Variants in PTPRD observed in about 807,000 individuals in gnomAD.
PTPRD encodes the protein protein tyrosine phosphatase receptor type D, also known as receptor-type tyrosine-protein phosphatase delta.
A neutral mutation model predicts 214.5 loss-of-function variants in PTPRD; 34 were observed. The observed-to-expected ratio is 0.16, with a 90% CI of 0.12 to 0.21. The LOEUF (loss-of-function observed/expected upper bound fraction) is 0.21. Among genes scored for constraint, PTPRD ranks in the 10% least tolerant of loss-of-function variants. PTPRD has a pLI of 1.00. For synonymous variants in PTPRD, 1,128 were observed against 845.7 expected (o/e 1.33, Z -5.79); for missense variants, 2,545 against 2,398.7 (o/e 1.06, Z -1.27).
chr9:9,167,737 G>A lies in PTPRD; in HGVS notation c.-143+15567C>T, dbSNP rs184661370. Among the ~76,000 whole-genome samples, 13 of 152,172 alleles carry A rather than the reference G, an allele frequency of 8.5e-5. No homozygotes were observed. The East Asian group carries it at 1.2e-3, about 14-fold the overall frequency. On this transcript the variant is annotated intron_variant, in intron 10 of 45. Coordinates refer to ENST00000381196, the MANE Select transcript of PTPRD (RefSeq NM_002839.4). Reference sequence around the variant, plus strand: ...GCCATTGCACTCCAGCCTAGGCAATGAGAGCAAAACTCTGTCTTAAATAAA... The same window carrying A: ...GCCATTGCACTCCAGCCTAGGCAATAAGAGCAAAACTCTGTCTTAAATAAA...
intron 10 of PTPRD, among the ~76,000 whole-genome samples, chr9:9,081,371 G>A (rs2099758773): frequency 6.6e-6 from 1 of 151,956 alleles, no homozygotes; most frequent in African/African-American, 2.4e-5. Context: ...TGTTTGTTAT[G>A]ATTTCCATTC....
At chr9:8,758,412 C>A (rs1468113349) in intron 11 of PTPRD, among the ~76,000 whole-genome samples, 1 of 152,036 alleles carries the variant, frequency 6.6e-6, no homozygotes, top group East Asian at 1.9e-4. Flanking sequence ...ATGTTATATA[C>A]AAATTAGGGT....
intron 4 of PTPRD, among the ~76,000 whole-genome samples, chr9:9,942,429 C>G (rs186581931): frequency 1.8e-3 from 281 of 152,186 alleles, no homozygotes; most frequent in African/African-American, 6.3e-3. Flanking sequence ...AACCCCTTTA[C>G]CTATTAAAGA....
intron 9 of PTPRD, among the ~76,000 whole-genome samples, chr9:9,215,264 A>G (rs1206349212): frequency 3.9e-5 from 6 of 152,172 alleles, no homozygotes; most frequent in Admixed American, 3.3e-4. Context: ...AGAGTAGTTT[A>G]ACCCAGGTTA....
intron 9 of PTPRD, among the ~76,000 whole-genome samples, chr9:9,193,991 A>G (rs962192734): frequency 6.6e-6 from 1 of 152,190 alleles, no homozygotes; most frequent in African/African-American, 2.4e-5. Context: ...GTACAGCTGT[A>G]CAAAAATATT....
At chr9:9,571,491 T>C (rs2154300659) in intron 8 of PTPRD, among the ~76,000 whole-genome samples, 1 of 151,488 alleles carries the variant, frequency 6.6e-6, no homozygotes, top group African/African-American at 2.4e-5. Context: ...TAACAATGAT[T>C]ACATTTAAAT....
At chr9:9,371,281 A>G (rs1431585790) in intron 9 of PTPRD, among the ~76,000 whole-genome samples, 1 of 152,042 alleles carries the variant, frequency 6.6e-6, no homozygotes, top group African/African-American at 2.4e-5. Flanking sequence ...TTATTGCCTC[A>G]ATTTCAGAGC....
intron 10 of PTPRD, among the ~76,000 whole-genome samples, chr9:9,128,012 T>C (rs2099836696): frequency 6.6e-6 from 1 of 152,168 alleles, no homozygotes; most frequent in Non-Finnish European, 1.5e-5. Context: ...GCCAATTTTA[T>C]TTAGGCTCTA....
intron 5 of PTPRD, among the ~76,000 whole-genome samples, chr9:9,805,535 T>C (rs1255307635): frequency 6.6e-6 from 1 of 152,186 alleles, no homozygotes; most frequent in Non-Finnish European, 1.5e-5. Context: ...TTCAGATTAG[T>C]TTTACAAAAT....
At chr9:9,904,422 T>A (rs980105118) in intron 5 of PTPRD, among the ~76,000 whole-genome samples, 2 of 152,112 alleles carry the variant, frequency 1.3e-5, no homozygotes, top group Admixed American at 6.6e-5. Flanking sequence ...TTGAAATCTT[T>A]GTACTGTTAT....
chr9:9,273,779 A>G (rs1311544325), intron 9 of PTPRD, among the ~76,000 whole-genome samples: 1 of 151,336 alleles, frequency 6.6e-6, no homozygotes, highest in Non-Finnish European at 1.5e-5. Context: ...GTAAGAGATT[A>G]TAATGAGGTC....
chr9:8,406,352 TG>T (rs1168991208), intron 35 of PTPRD, among the ~76,000 whole-genome samples: 1 of 152,200 alleles, frequency 6.6e-6, no homozygotes, highest in Non-Finnish European at 1.5e-5. Context: ...CTCTCAAATT[TG>T]CAATCTCATT....
intron 3 of PTPRD, among the ~76,000 whole-genome samples, chr9:10,338,940 CA>C (rs71332736): frequency 0.17 from 23,785 of 140,990 alleles, 2,109 homozygotes; most frequent in Non-Finnish European, 0.21. Context: ...ATAATGTAGA[CA>C]AAAAAAAAAA....
rs140775487 is a variant in PTPRD, at chr9:10,347,903, C to T, written c.-599-6886G>A. Among the ~76,000 whole-genome samples the T allele has an allele frequency of 5.9e-5, 9 of 151,940 alleles. No homozygotes were observed. In the South Asian group the frequency reaches 1.7e-3, roughly 28 times the overall value. On this transcript the variant is annotated intron_variant, in intron 2 of 45. Transcript: ENST00000381196. ...GGAAAACCTATCTCTACTAAAAATA[C>T]AAAAATTAGCCCAGCGTGGTGCATG...
intron 10 of PTPRD, among the ~76,000 whole-genome samples, chr9:9,025,052 C>A (rs1345185671): frequency 6.6e-6 from 1 of 151,924 alleles, no homozygotes; most frequent in African/African-American, 2.4e-5. Context: ...GTTGTTTAGT[C>A]CCTTGTAAAT....
intron 2 of PTPRD, among the ~76,000 whole-genome samples, chr9:10,549,233 A>C (rs773459159): frequency 3.3e-5 from 5 of 152,170 alleles, no homozygotes; most frequent in Non-Finnish European, 5.9e-5. Context: ...TACTGCTTTT[A>C]AAAGTAGTTG....
intron 6 of PTPRD, among the ~76,000 whole-genome samples, chr9:9,763,321 AC>A (rs2098677038): frequency 6.6e-6 from 1 of 152,130 alleles, no homozygotes; most frequent in Admixed American, 6.5e-5. Context: ...ATTTTCCTGA[AC>A]CCTGTCCCCT....
intron 7 of PTPRD, among the ~76,000 whole-genome samples, chr9:9,652,519 T>C (rs1168547904): frequency 3.3e-5 from 5 of 152,188 alleles, no homozygotes; most frequent in Non-Finnish European, 7.4e-5. Context: ...AATACCTTTA[T>C]TGCCTATCTG....
intron 7 of PTPRD, among the ~76,000 whole-genome samples, chr9:9,654,321 G>C (rs1039862199): frequency 1.3e-5 from 2 of 152,024 alleles, no homozygotes; most frequent in Admixed American, 6.6e-5. Context: ...CTTATAAAAA[G>C]TTTAATGCTT....
Sources: allele counts gnomAD v4.1 joint callset (sites outside exome capture counted in the v4.1 genomes callset), GRCh38; gene constraint gnomAD v4.1.1; transcripts MANE v1.5; gene names NCBI Gene and HGNC (gene_info 2026-07-23, HGNC 2026-07-21).